NCL: variants seen among roughly 807,000 people sequenced by gnomAD.
NCL encodes nucleolin multifunctional protein.
NCL carries 4 observed loss-of-function variants against 77.7 expected under a neutral mutation model. The observed-to-expected ratio is 0.05, with a 90% CI of 0.03 to 0.12. NCL has a LOEUF of 0.12. NCL is among the 10% of genes least tolerant of loss of function. The pLI is 1.00. For synonymous variants in NCL, 344 were observed against 297.8 expected (o/e 1.16, Z -1.60); for missense variants, 763 against 860.9 (o/e 0.89, Z 1.42).
intron 9 of NCL, 116 bp downstream of exon 9, chr2:231,457,527 T>C: frequency 9.2e-7 from 1 of 1,082,714 alleles, no homozygotes; most frequent in Non-Finnish European, 1.3e-6. Context: ...GTCCTTGATC[T>C]TCACCTACAT....
chr2:231,462,066 A>G, intron 2 of NCL, 49 bp from the exon 3 acceptor site: 5 of 1,596,888 alleles, frequency 3.1e-6, no homozygotes, highest in Non-Finnish European at 4.3e-6. Context: ...CCACACCCAA[A>G]AAGATAACCA....
Position 231,464,456 on chromosome 2 carries a change from C to A in NCL, c.-103G>T, listed in dbSNP as rs2046981779. ...GGTGCTGAAGATCCCGGAGCACGTA[C>A]ACCCGAAGGCCAGCGAGAGCTCGAG... On this transcript the variant is annotated 5_prime_UTR_variant, in exon 1 of 14. Coordinates refer to ENST00000322723, the MANE Select transcript of NCL (RefSeq NM_005381.3). 3 of 1,463,664 alleles carry A rather than the reference C, an allele frequency of 2.0e-6. No homozygotes were observed. Among genetic ancestry groups the A allele is most frequent in the East Asian group, 5.0e-5 (2 of 40,290 alleles). The allele number at this position is 1,463,664 out of a possible 1,614,324, so 90.7% of individuals were successfully genotyped here.
chr2:231,460,909 C>G (rs375142003), intron 3 of NCL, 43 bp from the exon 4 acceptor site: 2 of 1,456,560 alleles, frequency 1.4e-6, no homozygotes, highest in Non-Finnish European at 1.9e-6. Context: ...TCTCCCAAAA[C>G]CAACATCGGT....
Position 231,456,153 on chromosome 2 carries a change from A to AC in NCL, c.1706-18_1706-17insG. 1 of 1,613,458 alleles carries AC rather than the reference A, an allele frequency of 6.2e-7. No homozygotes were observed. Among genetic ancestry groups the AC allele is most frequent in the Non-Finnish European group, 8.5e-7 (1 of 1,179,836 alleles). On this transcript the variant is annotated splice_polypyrimidine_tract_variant and intron_variant, in intron 11 of 13. Transcript: ENST00000322723. ...TGGATGGCTCTGGGAAGGAAAAAAA[A>AC]ATGTGACTTTATGTGAAGTCACAGT...
chr2:231,463,635 T>C, intron 1 of NCL: 1 of 305,790 alleles, frequency 3.3e-6, no homozygotes, highest in Non-Finnish European at 6.1e-6. Flanking sequence ...GGTACTTTAT[T>C]CTACCACCCT....
Position 231,455,779 on chromosome 2 carries a change from G to A in NCL, c.1833-155C>T, listed in dbSNP as rs746154150. On this transcript the variant is annotated intron_variant, in intron 12 of 13. Transcript: ENST00000322723. ...AGTAGCTCTCTATGGAAAACTAACT[G>A]GTGTGACAGCTTGAACCCCAGAATG... 4 of 1,143,878 alleles carry A rather than the reference G, an allele frequency of 3.5e-6. No homozygotes were observed. The South Asian group carries it at 3.7e-5, about 11-fold the overall frequency. The allele number at this position is 1,143,878 out of a possible 1,614,324, so 70.9% of individuals were successfully genotyped here.
rs977449717 is a variant in NCL, at chr2:231,454,183, C to T, written c.*1008G>A. 2.0e-5 allele frequency: 3 copies of T among 152,204 alleles called. No individual in the cohort carries two copies. The highest frequency in any genetic ancestry group is 4.4e-5 in the Non-Finnish European group (3 of 68,086). The allele number at this position is 152,204 out of a possible 1,614,324, so 9.4% of individuals were successfully genotyped here. ...ACTGCTTTTTGGGAGATGGGAGTCT[C>T]GCTTTGTTACCCAGCCTGGAGTATA... On this transcript the variant is annotated 3_prime_UTR_variant, in exon 14 of 14. Coordinates refer to ENST00000322723, the MANE Select transcript of NCL (RefSeq NM_005381.3).
At chr2:231,456,296 T>C in intron 11 of NCL, 160 bp from the exon 12 acceptor site, 1 of 959,720 alleles carries the variant, frequency 1.0e-6, no homozygotes, top group Non-Finnish European at 1.6e-6. Flanking sequence ...TAAAGGCTAT[T>C]CTGGGTTTAC....
rs1412556854 is a variant in NCL at position 231,457,284 on chromosome 2, ACCTAGTACG to A, written c.1448-169_1448-161del. 10 of 1,012,016 alleles carry A rather than the reference ACCTAGTACG, an allele frequency of 9.9e-6. 1 individual carries two copies. In the South Asian group the frequency reaches 1.4e-4, roughly 14 times the overall value. The allele number at this position is 1,012,016 out of a possible 1,614,324, so 62.7% of individuals were successfully genotyped here. A position where few individuals can be genotyped will look rare whatever the true frequency, so the allele number is the denominator to read the frequency against. On this transcript the variant is annotated intron_variant, in intron 9 of 13. Coordinates refer to ENST00000322723, the MANE Select transcript of NCL (RefSeq NM_005381.3). ...ATTTCTGTTACTCAACATATTAAGT[ACCTAGTACG>A]TGTTGCAATGTCCTGCTGGTTGTTC...
rs536303111 is a variant in NCL at position 231,463,761 on chromosome 2, C to T, written c.19-445G>A. ...GAGACAACCCCGCCCCTTAAAGAGG[C>T]GGCGCGGCCACGTGGGGGTACCTGG... On this transcript the variant is annotated intron_variant, in intron 1 of 13. Coordinates refer to ENST00000322723, the MANE Select transcript of NCL (RefSeq NM_005381.3). 503 of 163,522 alleles carry T rather than the reference C, an allele frequency of 3.1e-3. 5 individuals are homozygous for T. The highest frequency in any genetic ancestry group is 0.012 in the African/African-American group (480 of 41,724). 10.1% of individuals were successfully genotyped at this position (163,522 alleles called of 1,614,324 possible).
intron 6 of NCL, 112 bp from the exon 7 acceptor site, chr2:231,459,237 G>T: frequency 8.2e-7 from 1 of 1,220,342 alleles, no homozygotes. Context: ...ATTTTAAAAA[G>T]CACCCCTAGT....
At chr2:231,460,965 G>A (rs890149952) in intron 3 of NCL, 99 bp from the exon 4 acceptor site, 1 of 1,009,190 alleles carries the variant, frequency 9.9e-7, no homozygotes, top group Non-Finnish European at 1.6e-6. Flanking sequence ...ACCATGTTTA[G>A]TTAACAGTCA....
At chr2:231,456,522 C>A in intron 11 of NCL, 109 bp downstream of exon 11, 2 of 1,474,498 alleles carry the variant, frequency 1.4e-6, no homozygotes, top group Non-Finnish European at 1.9e-6. Context: ...TCATCATATC[C>A]AGTTATTGTT....
At chr2:231,462,533 C>T (rs1279060979) in intron 2 of NCL, 1 of 513,820 alleles carries the variant, frequency 1.9e-6, no homozygotes, top group Non-Finnish European at 3.9e-6. Flanking sequence ...TATCACACAT[C>T]AAAGAGTGTG....
chr2:231,460,202 A>C lies in NCL; in HGVS notation c.990T>G (p.Val330=), dbSNP rs753310526. 14 of 1,613,970 alleles carry C rather than the reference A, an allele frequency of 8.7e-6. No homozygotes were observed. The highest frequency in any genetic ancestry group is 1.2e-5 in the Non-Finnish European group (14 of 1,180,024). Residue 330 remains valine, a synonymous_variant, in exon 6 of 14, where the codon GTT becomes GTG. Transcript: ENST00000322723. ...CAACAGCAAGATCATTTTTAGCAAA[A>C]ACATCGCTGATACCAGTTTTTAATT... ...APELKTGISD[V]FAKNDLAVVD...
At chr2:231,458,889 A>G (rs2046919425) in intron 7 of NCL, 112 bp downstream of exon 7, 49 of 1,215,404 alleles carry the variant, frequency 4.0e-5, no homozygotes, top group Non-Finnish European at 5.3e-5. Context: ...AAACCAAAGG[A>G]AAAAAATGAT....
chr2:231,460,770 T>C lies in NCL; in HGVS notation c.710A>G (p.Asp237Gly), dbSNP rs570952728. ...CTCGTCCTCATCATCCTCTTCTTCATCTTCATCCTCAGCCACGTTCTTGGC... is the reference window on the plus strand; with the variant it reads ...CTCGTCCTCATCATCCTCTTCTTCACCTTCATCCTCAGCCACGTTCTTGGC... ...VKAKNVAEDE[D>G]EEEDDEDEDD... Residue 237 changes from aspartate (D) to glycine (G), a missense_variant, in exon 4 of 14, where the codon GAT becomes GGT. This residue lies in a region of NCL where 590 missense variants were observed against 570.5 expected (regional missense o/e 1.03). Coordinates refer to ENST00000322723, the MANE Select transcript of NCL (RefSeq NM_005381.3). The C allele has an allele frequency of 1.5e-5, 24 of 1,614,152 alleles. No homozygotes were observed. Among genetic ancestry groups the C allele is most frequent in the Middle Eastern group, 3.3e-4 (2 of 6,062 alleles).
Position 231,457,749 on chromosome 2 carries a change from T to G in NCL, c.1341A>C (p.Glu447Asp). 6.2e-7 allele frequency: 1 copy of G among 1,613,228 alleles called. No individual in the cohort carries two copies. The highest frequency in any genetic ancestry group is 1.7e-5 in the Admixed American group (1 of 59,986). ...KTEADAEKTF[E>D]EKQGTEIDGR... is the part of the protein sequence containing the mutation. Reference sequence around the variant, plus strand: ...CATCGATCTCTGTTCCCTGCTTTTCTTCAAAGGTTTTCTCTGCATCAGCTT... The same window carrying G: ...CATCGATCTCTGTTCCCTGCTTTTCGTCAAAGGTTTTCTCTGCATCAGCTT... Residue 447 changes from glutamate to aspartate, a missense_variant, in exon 9 of 14, where the codon GAA becomes GAC. Transcript: ENST00000322723.
At position 231,461,444 on chromosome 2, in the gene NCL, C is replaced by G. The variant is rs939050234; in HGVS notation, c.613+96G>C. 6 of 1,526,504 alleles carry G rather than the reference C, an allele frequency of 3.9e-6. No individual in the cohort carries two copies. The African/African-American group carries it at 6.9e-5, about 17-fold the overall frequency. The allele number at this position is 1,526,504 out of a possible 1,614,324, so 94.6% of individuals were successfully genotyped here. On this transcript the variant is annotated intron_variant, in intron 3 of 13. Coordinates refer to ENST00000322723, the MANE Select transcript of NCL (RefSeq NM_005381.3). ...AGAGAATTCCCACAAGGATTCTAAT[C>G]TCATCTCCAGGTTGTCGTGGAAGGA...
Sources: allele counts gnomAD v4.1 joint callset, GRCh38; gene constraint gnomAD v4.1.1; regional missense constraint gnomAD v4.1.1; transcripts MANE v1.5; gene names NCBI Gene and HGNC (gene_info 2026-07-23, HGNC 2026-07-21).